Variants in OTOG observed in about 807,000 individuals in gnomAD.
OTOG encodes the protein otogelin.
In OTOG, 296 loss-of-function variants were observed where a neutral mutation model predicts 313.8. The observed-to-expected ratio is 0.94, with a 90% CI of 0.86 to 1.04. OTOG has a LOEUF of 1.04. OTOG is among the 50% of genes least tolerant of loss of function. The pLI is 0.00. For synonymous variants in OTOG, 1,533 were observed against 1,554.9 expected, an observed-to-expected ratio of 0.99 and a Z score of 0.33; for missense variants, 3,948 against 3,840.1, an observed-to-expected ratio of 1.03 and a Z score of -0.74.
Position 17,632,081 on chromosome 11 carries a change from T to C in OTOG, c.6934-7T>C, listed in dbSNP as rs1854142579. 3.2e-6 allele frequency: 5 copies of C among 1,550,616 alleles called. No individual in the cohort carries two copies. The highest frequency in any genetic ancestry group is 4.4e-6 in the Non-Finnish European group (5 of 1,146,766). On this transcript the variant is annotated splice_polypyrimidine_tract_variant and splice_region_variant and intron_variant, in intron 41 of 55. Coordinates refer to ENST00000399397, the MANE Select transcript of OTOG (RefSeq NM_001292063.2). ...AGTAACCAGCACTGCCTGATGCATA[T>C]GTCCAGGTGCCTCCGGAGTCATTCT...
chr11:17,631,591 A>G (rs1854127404), intron 40 of OTOG, 111 bp from the exon 41 acceptor site: 1 of 865,818 alleles, frequency 1.2e-6, no homozygotes, highest in Non-Finnish European at 1.8e-6. Context: ...TAAAATGGGG[A>G]TAATGGTATT....
chr11:17,644,398 A>AG (rs1848032745), intron 54 of OTOG, among the ~76,000 whole-genome samples: 1 of 152,258 alleles, frequency 6.6e-6, no homozygotes, highest in African/African-American at 2.4e-5. Flanking sequence ...AGGCTCAGAG[A>AG]CCAGAAGAAA....
rs548446522 is a variant in OTOG at position 17,596,059 on chromosome 11, C to T, written c.3430C>T (p.Arg1144Trp). 50 of 1,550,728 alleles carry T rather than the reference C, an allele frequency of 3.2e-5. No homozygotes were observed. Among genetic ancestry groups the T allele is most frequent in the African/African-American group, 5.5e-5 (4 of 73,036 alleles). Reference protein sequence around the residue: ...AVECPDTLDPRDMCVLNPLRE... With the variant: ...AVECPDTLDPWDMCVLNPLRE... ...TCAGTGCCCAGACACCCTCGATCCTCGGGATATGTGTGTCCTGAATCCTCT... is the reference window on the plus strand; with the variant it reads ...TCAGTGCCCAGACACCCTCGATCCTTGGGATATGTGTGTCCTGAATCCTCT... The change falls in exon 29 of 56, where the codon CGG (arginine) becomes TGG (tryptophan). Residue 1144 changes from arginine to tryptophan, a missense_variant. Transcript: ENST00000399397.
intron 3 of OTOG, among the ~76,000 whole-genome samples, chr11:17,551,787 C>T (rs1851939731): frequency 1.3e-5 from 2 of 152,116 alleles, no homozygotes; most frequent in African/African-American, 4.8e-5. Context: ...AAGGTGAGAG[C>T]TAAGCCTTTG....
At chr11:17,632,039 G>A (rs1854141305) in intron 41 of OTOG, 49 bp from the exon 42 acceptor site, 1 of 1,542,806 alleles carries the variant, frequency 6.5e-7, no homozygotes, top group Non-Finnish European at 8.8e-7. Context: ...GCTGGGCACT[G>A]GGATATGTGC....
At chr11:17,561,021 C>T in intron 13 of OTOG, 70 bp from the exon 14 acceptor site, 1 of 1,506,350 alleles carries the variant, frequency 6.6e-7, no homozygotes, top group Non-Finnish European at 9.0e-7. Context: ...GCTGTGGGCC[C>T]TGCAGTTTCC....
In OTOG at chr11:17,576,768, G is replaced by A. The variant is rs763686762; in HGVS notation, c.2562-100G>A. On this transcript the variant is annotated intron_variant, in intron 21 of 55. Coordinates refer to ENST00000399397, the MANE Select transcript of OTOG (RefSeq NM_001292063.2). ...CAGGGAGGGGGAAGTGAGTGAGGGT[G>A]TCTTTCTGAACTCTGCAGTGACCCG... The A allele has an allele frequency of 4.9e-4, 727 of 1,484,552 alleles. 1 individual carries two copies. Among genetic ancestry groups the A allele is most frequent in the Non-Finnish European group, 6.5e-4 (705 of 1,089,134 alleles). The allele number at this position is 1,484,552 out of a possible 1,614,324, so 92.0% of individuals were successfully genotyped here. A position where few individuals can be genotyped will look rare whatever the true frequency, so the allele number is the denominator to read the frequency against.
At chr11:17,594,525 G>A (rs1349281899) in intron 28 of OTOG, among the ~76,000 whole-genome samples, 1 of 152,186 alleles carries the variant, frequency 6.6e-6, no homozygotes, top group African/African-American at 2.4e-5. Context: ...GAGGTGGGTT[G>A]AGGCAATCAG....
Position 17,602,376 on chromosome 11 carries a change from T to A in OTOG, c.3876T>A (p.His1292Gln). 3 of 1,549,488 alleles carry A rather than the reference T, an allele frequency of 1.9e-6. No individual in the cohort carries two copies. Among genetic ancestry groups the A allele is most frequent in the Non-Finnish European group, 2.6e-6 (3 of 1,146,396 alleles). ...LTAALYKAKA[H>Q]DPDVVSLEAA... The stretch of plus-strand genomic sequence containing the variant: ...CTGCTCTGTACAAGGCCAAGGCCCA[T>A]GGTAAGGCCCATCCCAGTCCCACTC... The change falls in exon 32 of 56, where the codon CAT (histidine) becomes CAA (glutamine). Residue 1292 changes from histidine to glutamine, a missense_variant and splice_region_variant. His to Gln is a conservative substitution (Grantham distance 24). Coordinates refer to ENST00000399397, the MANE Select transcript of OTOG (RefSeq NM_001292063.2).
At chr11:17,603,100 C>T (rs188675720) in intron 32 of OTOG, among the ~76,000 whole-genome samples, 1 of 152,218 alleles carries the variant, frequency 6.6e-6, no homozygotes, top group Admixed American at 6.5e-5. Flanking sequence ...GAAGGGACGT[C>T]CTGGCTCCTG....
chr11:17,645,901 A>C lies in OTOG; in HGVS notation c.8699A>C (p.Tyr2900Ser). 1 of 1,550,354 alleles carries C rather than the reference A, an allele frequency of 6.5e-7. No individual in the cohort carries two copies. Among genetic ancestry groups the C allele is most frequent in the South Asian group, 1.2e-5 (1 of 84,058 alleles). Residue 2900 changes from tyrosine to serine, a missense_variant, in exon 56 of 56, where the codon TAT becomes TCT. By Grantham distance (144) the Tyr-to-Ser change is moderately radical (BLOSUM62 -2). Coordinates refer to ENST00000399397, the MANE Select transcript of OTOG (RefSeq NM_001292063.2). ...GCCACCAATGCCACCTGGGTGCCCTATACAGTGCAGGAGCCCACCGACTGT... is the reference window on the plus strand; with the variant it reads ...GCCACCAATGCCACCTGGGTGCCCTCTACAGTGCAGGAGCCCACCGACTGT... ...FCATNATWVP[Y>S]TVQEPTDCAC...
chr11:17,553,137 A>G lies in OTOG; in HGVS notation c.311A>G (p.Asn104Ser), dbSNP rs534942001. 491 of 1,550,518 alleles carry G rather than the reference A, an allele frequency of 3.2e-4. 2 individuals carry two copies. Among genetic ancestry groups the G allele is most frequent in the Middle Eastern group, 1.7e-4 (1 of 5,992 alleles). The change falls in exon 5 of 56, where the codon AAT becomes AGT. Residue 104 changes from asparagine (N) to serine (S), a missense_variant. Physicochemically the swap from Asn to Ser is conservative, Grantham distance 46. Coordinates refer to ENST00000399397, the MANE Select transcript of OTOG (RefSeq NM_001292063.2). The part of the protein sequence containing the change: ...CAPSYLFSCF[N>S]GGECVHPAFC... ...CATGCAGACTTGTTCTCCTGCTTCA[A>G]TGGAGGCGAGTGTGTGCACCCAGCC...
chr11:17,604,145 C>T (rs530578232), intron 32 of OTOG, among the ~76,000 whole-genome samples: 1 of 152,336 alleles, frequency 6.6e-6, no homozygotes, highest in East Asian at 1.9e-4. Context: ...TTCATTCAAA[C>T]TCCTCTGCCA....
chr11:17,623,743 A>T (rs1853918846), intron 39 of OTOG, among the ~76,000 whole-genome samples: 1 of 152,170 alleles, frequency 6.6e-6, no homozygotes, highest in South Asian at 2.1e-4. Flanking sequence ...ACAATGGTTG[A>T]ACTAATTTAT....
chr11:17,616,316 C>T (rs527513731), intron 39 of OTOG, among the ~76,000 whole-genome samples: 1 of 152,212 alleles, frequency 6.6e-6, no homozygotes, highest in Non-Finnish European at 1.5e-5. Flanking sequence ...CTCAGCCTCC[C>T]AAAGTGCTAG....
chr11:17,612,873 GC>G, intron 38 of OTOG, 108 bp downstream of exon 38: 1 of 1,286,754 alleles, frequency 7.8e-7, no homozygotes, highest in Non-Finnish European at 1.0e-6. Flanking sequence ...AGATGTGGAA[GC>G]CCCCCTGAGC....
In OTOG at chr11:17,641,866, C is replaced by T. The variant is rs919566132; in HGVS notation, c.8210C>T (p.Pro2737Leu). 8.4e-5 allele frequency: 130 copies of T among 1,550,124 alleles called. No homozygotes were observed. Among genetic ancestry groups the T allele is most frequent in the Middle Eastern group, 1.7e-4 (1 of 6,012 alleles). ...HCEANQEYEH[P>L]RDLAACCGSC... ...CTGTAGAACCAGGAGTACGAGCACC[C>T]GCGGGACCTCGCTGCCTGCTGCGGC... Residue 2737 changes from proline (P) to leucine (L), a missense_variant, in exon 52 of 56, where the codon CCG becomes CTG. Transcript: ENST00000399397.
Position 17,610,066 on chromosome 11 carries a change from C to A in OTOG, c.4766C>A (p.Thr1589Lys), listed in dbSNP as rs1174272206. 6.5e-7 allele frequency: 1 copy of A among 1,550,378 alleles called. No homozygotes were observed. ...ATGGTGTCAGGTGCCATGGAGACAA[C>A]AAGGGTGACTGTGATCTTTGCAGGA... Reference protein sequence around the residue: ...PGMVSGAMETTRVTVIFAGSP... With the variant: ...PGMVSGAMETKRVTVIFAGSP... The change falls in exon 36 of 56, where the codon ACA becomes AAA. Residue 1589 changes from threonine to lysine, a missense_variant. Thr to Lys is a moderately conservative substitution (Grantham distance 78). Transcript: ENST00000399397.
chr11:17,560,969 G>C (rs527305862), intron 13 of OTOG, 122 bp from the exon 14 acceptor site: 3 of 1,275,588 alleles, frequency 2.4e-6, no homozygotes, highest in Non-Finnish European at 2.2e-6. Flanking sequence ...CAATCCATGG[G>C]GGAAATCTCT....
Sources: allele counts gnomAD v4.1 joint callset (sites outside exome capture counted in the v4.1 genomes callset), GRCh38; gene constraint gnomAD v4.1.1; transcripts MANE v1.5; gene names NCBI Gene and HGNC (gene_info 2026-07-23, HGNC 2026-07-21).